The following ARSH variants were observed in gnomAD, a reference collection of about 807,000 sequenced individuals.
The protein encoded by ARSH is arylsulfatase H.
A neutral mutation model predicts 28.7 loss-of-function variants in ARSH; 32 were observed. The observed-to-expected ratio is 1.11, with a 90% CI of 0.84 to 1.50. ARSH has a LOEUF of 1.50. Among genes scored for constraint, ARSH ranks in the 40% most tolerant of loss-of-function variants. The pLI is 0.00. For missense variants in ARSH, 440 were observed against 452.4 expected (o/e 0.97, Z 0.25); for synonymous variants, 176 against 177.3 (o/e 0.99, Z 0.06).
intron 3 of ARSH, 96 bp downstream of exon 3, chrX:3,013,268 C>A: frequency 1.0e-6 from 1 of 976,897 alleles, no homozygotes; most frequent in Non-Finnish European, 1.4e-6. Context: ...TTGTGCGCGC[C>A]AGTTTGACCG....
At chrX:3,020,528 G>A (rs1407393144) in intron 5 of ARSH, among the ~76,000 whole-genome samples, 1 of 95,740 alleles carries the variant, frequency 1.0e-5, no homozygotes, top group East Asian at 3.3e-4. Flanking sequence ...GGCGGAGCTT[G>A]CAGTGAGCCG....
intron 1 of ARSH, among the ~76,000 whole-genome samples, chrX:3,009,525 G>A (rs990388204): frequency 2.4e-4 from 26 of 110,132 alleles, no homozygotes; most frequent in African/African-American, 6.0e-4. Flanking sequence ...GCATGGTAGC[G>A]CACACCTGTG....
At chrX:3,026,091 A>G (rs2089898081) in intron 6 of ARSH, among the ~76,000 whole-genome samples, 1 of 111,240 alleles carries the variant, frequency 9.0e-6, no homozygotes, top group South Asian at 3.8e-4. Context: ...ATTAAATACG[A>G]TGAAGAAAAC....
At position 3,015,111 on chromosome X, in the gene ARSH, G is replaced by A. The variant is rs753906902; in HGVS notation, c.482G>A (p.Arg161His). The A allele has an allele frequency of 6.6e-6, 8 of 1,207,686 alleles. No homozygotes were observed. The highest frequency in any genetic ancestry group is 3.0e-5 in the East Asian group (1 of 33,706). ...GCATCCAAGACACCAGAACTGCACC[G>A]CTGGCTCAGGATCAAACTGTGGATC... Reference protein sequence around the residue: ...CQASKTPELHRWLRIKLWIST... With the variant: ...CQASKTPELHHWLRIKLWIST... Residue 161 changes from arginine (R) to histidine (H), a missense_variant, in exon 4 of 9, where the codon CGC (arginine) becomes CAC (histidine). By Grantham distance (29) the Arg-to-His change is conservative (BLOSUM62 0). Transcript: ENST00000381130.
intron 1 of ARSH, 73 bp from the exon 2 acceptor site, chrX:3,009,957 A>G (rs2089841669): frequency 4.4e-6 from 5 of 1,139,800 alleles, no homozygotes; most frequent in Non-Finnish European, 5.9e-6. Context: ...CCAAAATAGA[A>G]TAGCTTTGAT....
chrX:3,027,366 C>A lies in ARSH; in HGVS notation c.1090C>A (p.Arg364=). The A allele has an allele frequency of 8.3e-7, 1 of 1,211,200 alleles. No homozygotes were observed. Among genetic ancestry groups the A allele is most frequent in the Middle Eastern group, 2.3e-4 (1 of 4,275 alleles). ...EGGIRVPGIF[R]WPSVLEAGRV... ...AGGTATCCGTGTGCCAGGGATATTC[C>A]GGTGGCCGTCAGTCTTGGAGGCTGG... is the stretch of plus-strand genomic sequence containing the variant. Residue 364 remains arginine, a synonymous_variant, in exon 7 of 9, where the codon CGG becomes AGG. Transcript: ENST00000381130.
intron 6 of ARSH, 83 bp downstream of exon 6, chrX:3,024,238 C>T: frequency 1.1e-6 from 1 of 938,480 alleles, no homozygotes; most frequent in South Asian, 3.2e-5. Context: ...ATTCATTTGC[C>T]ATGATGTTCA....
Position 3,015,341 on chromosome X carries a change from GA to G in ARSH, c.713del (p.Glu238GlyfsTer4). On this transcript the variant is annotated frameshift_variant, in exon 4 of 9. Coordinates refer to ENST00000381130, the MANE Select transcript of ARSH (RefSeq NM_001011719.2). LOFTEE classifies it high-confidence loss of function. ...NHEIIQQPMK[E>X]EKVASLMLKE... ...TGAAATTATCCAGCAGCCAATGAAA[GA>G]GGAGAAAGTAGCTTCCCTCATGCTG... The G allele has an allele frequency of 8.3e-7, 1 of 1,211,858 alleles. No homozygotes were observed. The highest frequency in any genetic ancestry group is 1.8e-5 in the South Asian group (1 of 56,989).
chrX:3,029,523 GATTTT>G (rs370741670), intron 8 of ARSH, among the ~76,000 whole-genome samples, 155 bp downstream of exon 8: 1,394 of 111,911 alleles, frequency 0.012, 20 homozygotes, highest in African/African-American at 0.039. Flanking sequence ...ACTGCAGTAG[GATTTT>G]ATTTTATTTT....
chrX:3,022,724 G>A (rs778283679), intron 5 of ARSH, among the ~76,000 whole-genome samples: 41 of 111,702 alleles, frequency 3.7e-4, no homozygotes, highest in African/African-American at 6.8e-4. Flanking sequence ...TGAGTCTAGC[G>A]CAGCATTAAT....
chrX:3,012,584 T>TATATATA (rs1555914129), intron 2 of ARSH, among the ~76,000 whole-genome samples: 2 of 13,615 alleles, frequency 1.5e-4, no homozygotes, highest in Non-Finnish European at 2.5e-4. Context: ...TATATATATA[T>TATATATA]ATATATATAT....
At chrX:3,018,741 T>C in intron 5 of ARSH, 71 bp downstream of exon 5, 1 of 1,094,708 alleles carries the variant, frequency 9.1e-7, no homozygotes, top group Non-Finnish European at 1.2e-6. Context: ...GTACTAACTG[T>C]CTCAAATTAT....
At chrX:3,016,428 C>T (rs1283493759) in intron 4 of ARSH, among the ~76,000 whole-genome samples, 2 of 111,239 alleles carry the variant, frequency 1.8e-5, no homozygotes, top group Non-Finnish European at 3.8e-5. Context: ...CAGACACAGC[C>T]GGAAGAGCTC....
In ARSH at chrX:3,015,059, C is replaced by A. The variant is rs148947485; in HGVS notation, c.430C>A (p.Pro144Thr). 8,623 of 1,208,826 alleles carry A rather than the reference C, an allele frequency of 7.1e-3. 40 individuals carry two copies. Among genetic ancestry groups the A allele is most frequent in the Non-Finnish European group, 7.7e-3 (6,862 of 894,801 alleles). ...NHGFHYFYGVPFGLLSDCQAS... is the reference protein window; with the variant it reads ...NHGFHYFYGVTFGLLSDCQAS... ...TGGTTTTCACTACTTTTACGGGGTGCCTTTTGGACTTTTAAGCGACTGCCA... is the reference window on the plus strand; with the variant it reads ...TGGTTTTCACTACTTTTACGGGGTGACTTTTGGACTTTTAAGCGACTGCCA... Residue 144 changes from proline (P) to threonine (T), a missense_variant, in exon 4 of 9, where the codon CCT becomes ACT. Coordinates refer to ENST00000381130, the MANE Select transcript of ARSH (RefSeq NM_001011719.2).
At chrX:3,017,063 C>T (rs758023133) in intron 4 of ARSH, among the ~76,000 whole-genome samples, 2 of 110,909 alleles carry the variant, frequency 1.8e-5, no homozygotes, top group African/African-American at 3.3e-5. Context: ...CCATCAGATT[C>T]ATTATTTATT....
chrX:3,020,483 G>T (rs762329348), intron 5 of ARSH, among the ~76,000 whole-genome samples: 1 of 103,860 alleles, frequency 9.6e-6, no homozygotes, highest in Non-Finnish European at 2.0e-5. Context: ...CAGCTACTCC[G>T]GAGGCTGAGG....
intron 1 of ARSH, among the ~76,000 whole-genome samples, chrX:3,008,751 T>G (rs867044557): frequency 9.9e-6 from 1 of 101,014 alleles, no homozygotes; most frequent in Non-Finnish European, 2.0e-5. Flanking sequence ...GTTTTTTTTT[T>G]GTTTTTTGTT....
Position 3,033,354 on chromosome X carries a change from A to G in ARSH, c.1658A>G (p.Lys553Arg), listed in dbSNP as rs1284616074. 4 of 1,206,379 alleles carry G rather than the reference A, an allele frequency of 3.3e-6. No individual in the cohort carries two copies. The East Asian group carries it at 1.2e-4, about 36-fold the overall frequency. Residue 553 changes from lysine to arginine, a missense_variant, in exon 9 of 9, where the codon AAG (lysine) becomes AGG (arginine). Physicochemically the swap from Lys to Arg is conservative, Grantham distance 26. Coordinates refer to ENST00000381130, the MANE Select transcript of ARSH (RefSeq NM_001011719.2). ...ACCTTCCCCTTCTGTGGGTGTGACA[A>G]GGAAGATGACATCCTTCCCATGGCT... ...CGTFPFCGCD[K>R]EDDILPMAP
chrX:3,016,292 C>T (rs749794480), intron 4 of ARSH, among the ~76,000 whole-genome samples: 34 of 111,021 alleles, frequency 3.1e-4, no homozygotes, highest in Non-Finnish European at 6.0e-4. Context: ...GGATACACTA[C>T]GCCTGGCCAC....
Sources: allele counts gnomAD v4.1 joint callset (sites outside exome capture counted in the v4.1 genomes callset), GRCh38; gene constraint gnomAD v4.1.1; transcripts MANE v1.5; gene names NCBI Gene and HGNC (gene_info 2026-07-23, HGNC 2026-07-21).